The following CABLES1 variants were observed in gnomAD, a reference collection of about 807,000 sequenced individuals.
CABLES1 encodes CDK5 and ABL1 enzyme substrate 1.
CABLES1 carries 36 observed loss-of-function variants against 57.8 expected under a neutral mutation model. The ratio of observed to expected loss-of-function variants is 0.62; its 90% CI spans 0.48 to 0.82. The LOEUF (loss-of-function observed/expected upper bound fraction) is 0.82, where lower values mean the gene tolerates loss of function less well. Ranked by LOEUF, CABLES1 falls within the 40% of genes least tolerant of loss-of-function variation. The pLI, the probability that CABLES1 is intolerant of heterozygous loss-of-function variation, is 0.00. For missense variants in CABLES1, 767 were observed against 836.6 expected, an observed-to-expected ratio of 0.92 and a Z score of 1.03; for synonymous variants, 374 against 363.0, an observed-to-expected ratio of 1.03 and a Z score of -0.35.
At chr18:23,163,712 G>A (rs2047021167) in intron 1 of CABLES1, among the ~76,000 whole-genome samples, 1 of 152,140 alleles carries the variant, frequency 6.6e-6, no homozygotes, top group Admixed American at 6.5e-5. Flanking sequence ...TGGATTTATA[G>A]TGACATGAAA....
chr18:23,214,942 T>C (rs899162423), intron 4 of CABLES1, among the ~76,000 whole-genome samples: 1 of 152,202 alleles, frequency 6.6e-6, no homozygotes, highest in African/African-American at 2.4e-5. Flanking sequence ...CTTTCCCCTG[T>C]AGATGTGCTA....
chr18:23,189,004 A>G (rs1207837452), intron 2 of CABLES1, 95 bp downstream of exon 2: 3 of 801,694 alleles, frequency 3.7e-6, no homozygotes, highest in Admixed American at 2.7e-5. Flanking sequence ...ATAGAATTAA[A>G]TTTAAAAATA....
chr18:23,228,657 C>G (rs1482407768), intron 4 of CABLES1, among the ~76,000 whole-genome samples: 3 of 150,340 alleles, frequency 2.0e-5, no homozygotes, highest in Non-Finnish European at 4.4e-5. Flanking sequence ...TAATCCCCAC[C>G]CCCATCTTCT....
At chr18:23,236,430 G>T (rs532223290) in intron 6 of CABLES1, among the ~76,000 whole-genome samples, 1 of 152,298 alleles carries the variant, frequency 6.6e-6, no homozygotes, top group Admixed American at 6.5e-5. Context: ...CTGAAGTGCA[G>T]GTTCAGGTGT....
intron 3 of CABLES1, among the ~76,000 whole-genome samples, chr18:23,206,371 C>T (rs568541310): frequency 6.6e-6 from 1 of 152,388 alleles, no homozygotes; most frequent in East Asian, 1.9e-4. Context: ...GAATTATTCA[C>T]AGTAATCGCT....
rs765040125 is a variant in CABLES1 at position 23,136,490 on chromosome 18, T to G, written c.728T>G (p.Phe243Cys). 6.2e-7 allele frequency: 1 copy of G among 1,602,206 alleles called. No individual in the cohort carries two copies. Among genetic ancestry groups the G allele is most frequent in the Non-Finnish European group, 8.5e-7 (1 of 1,177,590 alleles). Residue 243 changes from phenylalanine to cysteine, a missense_variant, in exon 1 of 10, where the codon TTC becomes TGC. Transcript: ENST00000256925. ...GGCAGTCGGGGACGCCTCAACTCGT[T>G]CACTCAGGGAATCCTGCCCATCGCC... ...GSGSRGRLNS[F>C]TQGILPIAFS... is the part of the protein sequence containing the mutation.
chr18:23,232,607 C>G (rs2047574161), intron 4 of CABLES1, among the ~76,000 whole-genome samples: 1 of 152,194 alleles, frequency 6.6e-6, no homozygotes, highest in Non-Finnish European at 1.5e-5. Flanking sequence ...GGCAGACGGT[C>G]TTGTGGGTGT....
intron 1 of CABLES1, among the ~76,000 whole-genome samples, chr18:23,183,801 G>T (rs1395063018): frequency 6.6e-6 from 1 of 152,202 alleles, no homozygotes; most frequent in Non-Finnish European, 1.5e-5. Flanking sequence ...AGTCTATAAT[G>T]ATAAGGAGTT....
intron 7 of CABLES1, among the ~76,000 whole-genome samples, chr18:23,244,255 T>C (rs2047818596): frequency 6.6e-6 from 1 of 152,218 alleles, no homozygotes; most frequent in Admixed American, 6.5e-5. Context: ...TTGACAAATA[T>C]TTGACACTGA....
At chr18:23,155,951 A>G (rs2046962522) in intron 1 of CABLES1, 2 of 1,614,148 alleles carry the variant, frequency 1.2e-6, no homozygotes, top group Non-Finnish European at 1.7e-6. Flanking sequence ...TGATTTTCCC[A>G]TGTAAGTTGT....
At chr18:23,184,595 C>T (rs1226214688) in intron 1 of CABLES1, among the ~76,000 whole-genome samples, 12 of 151,964 alleles carry the variant, frequency 7.9e-5, no homozygotes, top group African/African-American at 2.9e-4. Flanking sequence ...CCCAGCTACT[C>T]GAGAGGCTGA....
intron 7 of CABLES1, among the ~76,000 whole-genome samples, chr18:23,244,306 A>C (rs1450274019): frequency 6.6e-6 from 1 of 152,338 alleles, no homozygotes; most frequent in Non-Finnish European, 1.5e-5. Context: ...TGGCCATGTA[A>C]ACCTGAAGCA....
intron 7 of CABLES1, 67 bp from the exon 8 acceptor site, chr18:23,252,893 T>G (rs890889521): frequency 9.4e-7 from 1 of 1,061,506 alleles, no homozygotes; most frequent in African/African-American, 1.6e-5. Flanking sequence ...TTGGTCGTAG[T>G]TGGTGCATAA....
intron 1 of CABLES1, among the ~76,000 whole-genome samples, chr18:23,138,302 G>T (rs566580590): frequency 6.6e-6 from 1 of 152,206 alleles, no homozygotes; most frequent in South Asian, 2.1e-4. Flanking sequence ...TATCCAGAAC[G>T]CCACCTCCAA....
At chr18:23,243,821 G>A (rs1229209434) in intron 7 of CABLES1, among the ~76,000 whole-genome samples, 4 of 148,488 alleles carry the variant, frequency 2.7e-5, no homozygotes, top group Non-Finnish European at 5.9e-5. Context: ...GCAGTGAGCC[G>A]AGATCACGCC....
chr18:23,206,360 T>C (rs190897432), intron 3 of CABLES1, among the ~76,000 whole-genome samples: 1 of 152,370 alleles, frequency 6.6e-6, no homozygotes, highest in Admixed American at 6.5e-5. Flanking sequence ...TCAGCTACGC[T>C]GAATTATTCA....
rs561588458 is a variant in CABLES1 at position 23,159,435 on chromosome 18, A to T, written c.845+22828A>T. ...TTGCACTGATAATGTAAGCTTGCTGAAGTGCTGTTGTTAGAAAACTCCTGT... is the reference window on the plus strand; with the variant it reads ...TTGCACTGATAATGTAAGCTTGCTGTAGTGCTGTTGTTAGAAAACTCCTGT... On this transcript the variant is annotated intron_variant, in intron 1 of 9. Coordinates refer to ENST00000256925, the MANE Select transcript of CABLES1 (RefSeq NM_001100619.3). 1.8e-4 allele frequency among the ~76,000 whole-genome samples: 27 copies of T among 152,340 alleles called. No homozygotes were observed. The Middle Eastern group carries it at 0.014, about 77-fold the overall frequency.
intron 1 of CABLES1, among the ~76,000 whole-genome samples, chr18:23,143,219 C>A (rs914938299): frequency 1.3e-5 from 2 of 152,206 alleles, no homozygotes; most frequent in African/African-American, 4.8e-5. Flanking sequence ...AGAGGACAGG[C>A]CAGGTTTTAA....
chr18:23,156,839 C>T (rs957532341), intron 1 of CABLES1, among the ~76,000 whole-genome samples: 1 of 152,170 alleles, frequency 6.6e-6, no homozygotes, highest in Admixed American at 6.6e-5. Flanking sequence ...GAATGCTAGA[C>T]AGCACTTCAG....
Sources: allele counts gnomAD v4.1 joint callset (sites outside exome capture counted in the v4.1 genomes callset), GRCh38; gene constraint gnomAD v4.1.1; transcripts MANE v1.5; gene names NCBI Gene and HGNC (gene_info 2026-07-23, HGNC 2026-07-21).